PCDHA5: variants seen among roughly 807,000 people sequenced by gnomAD.
PCDHA5 encodes protocadherin alpha-5.
A neutral mutation model predicts 61.6 loss-of-function variants in PCDHA5; 43 were observed. The ratio of observed to expected loss-of-function variants is 0.70; its 90% CI spans 0.55 to 0.90. The LOEUF (loss-of-function observed/expected upper bound fraction) is 0.90. Among genes scored for constraint, PCDHA5 ranks in the 40% least tolerant of loss-of-function variants. PCDHA5 has a pLI of 0.00. For missense variants in PCDHA5, 1,298 were observed against 1,222.7 expected, an observed-to-expected ratio of 1.06 and a Z score of -0.92; for synonymous variants, 627 against 543.9, an observed-to-expected ratio of 1.15 and a Z score of -2.13.
Position 140,823,963 on chromosome 5 carries a change from G to A in PCDHA5, c.2188G>A (p.Val730Met), listed in dbSNP as rs1554129675. The change falls in exon 1 of 4, where the codon GTG becomes ATG. Residue 730 changes from valine (V) to methionine (M), a missense_variant. By Grantham distance (21) the Val-to-Met change is conservative. Transcript: ENST00000529859. ...GTGCTCGGCGCAGCCCACCGAGGCC[G>A]TGTGCACACGGGGCAAGCCCACTCT... is the stretch of plus-strand genomic sequence containing the variant. ...LRCSAQPTEA[V>M]CTRGKPTLLC... is the part of the protein sequence containing the mutation. The A allele has an allele frequency of 1.9e-6, 3 of 1,614,110 alleles. No individual in the cohort carries two copies. The highest frequency in any genetic ancestry group is 2.2e-5 in the South Asian group (2 of 91,080).
Position 140,982,534 on chromosome 5 carries a change from A to G in PCDHA5, c.2471A>G (p.Gln824Arg), listed in dbSNP as rs1554244431. Residue 824 changes from glutamine (Q) to arginine (R), a missense_variant, in exon 3 of 4, where the codon CAG becomes CGG. By Grantham distance (43) the Gln-to-Arg change is conservative. Transcript: ENST00000529859. ...GCTGGTCCAGGAGGGCCTGATCAGC[A>G]GTGGCCAACAGTATCCAGTGCAACA... ...LRAGPGGPDQ[Q>R]WPTVSSATPE... 1 of 1,614,222 alleles carries G rather than the reference A, an allele frequency of 6.2e-7. No homozygotes were observed. Among genetic ancestry groups the G allele is most frequent in the Non-Finnish European group, 8.5e-7 (1 of 1,180,036 alleles).
intron 1 of PCDHA5, chr5:140,871,166 C>G: frequency 1.2e-6 from 2 of 1,613,486 alleles, no homozygotes; most frequent in Non-Finnish European, 1.7e-6. Flanking sequence ...GCCGCGAGCC[C>G]AGAGGCTGCG....
chr5:141,005,256 A>C (rs1307850409), intron 3 of PCDHA5, among the ~76,000 whole-genome samples: 1 of 152,212 alleles, frequency 6.6e-6, no homozygotes, highest in East Asian at 1.9e-4. Flanking sequence ...TGTGCTAGGC[A>C]CTGGTGATAC....
At chr5:140,853,596 A>G (rs2042799204) in intron 1 of PCDHA5, 1 of 986,974 alleles carries the variant, frequency 1.0e-6, no homozygotes, top group Non-Finnish European at 1.2e-6. Flanking sequence ...ACACTTTGAG[A>G]GCAAAGGGGG....
At chr5:140,828,649 TG>T in intron 1 of PCDHA5, 1 of 1,614,100 alleles carries the variant, frequency 6.2e-7, no homozygotes, top group Non-Finnish European at 8.5e-7. Context: ...AAATAAACAG[TG>T]ATGACAATAA....
chr5:141,001,749 T>C (rs1554258292), intron 3 of PCDHA5, among the ~76,000 whole-genome samples: 1 of 152,090 alleles, frequency 6.6e-6, no homozygotes, highest in African/African-American at 2.4e-5. Flanking sequence ...GCTGTTTCAG[T>C]GGTTGATGGC....
At chr5:140,842,758 G>A (rs1778250066) in intron 1 of PCDHA5, 3 of 1,594,690 alleles carry the variant, frequency 1.9e-6, no homozygotes, top group Non-Finnish European at 1.7e-6. Context: ...CGGTGTCTGC[G>A]CGAGACGCGG....
intron 1 of PCDHA5, among the ~76,000 whole-genome samples, chr5:140,902,203 C>CTTTTTTT (rs148688132): frequency 6.4e-5 from 8 of 124,436 alleles, no homozygotes; most frequent in African/African-American, 9.3e-5. Flanking sequence ...CTCTCTCTTT[C>CTTTTTTT]TTTTTTTTTT....
chr5:140,996,587 C>T (rs1260417239), intron 3 of PCDHA5, among the ~76,000 whole-genome samples: 4 of 151,994 alleles, frequency 2.6e-5, no homozygotes, highest in South Asian at 2.1e-4. Context: ...TAACAAGGGC[C>T]GCCTCCCCCC....
intron 1 of PCDHA5, among the ~76,000 whole-genome samples, chr5:140,914,110 A>G (rs889499995): frequency 6.6e-6 from 1 of 152,168 alleles, no homozygotes; most frequent in Non-Finnish European, 1.5e-5. Flanking sequence ...GTGCAGATTA[A>G]GTCTGATGTT....
At chr5:140,824,289 C>A in intron 1 of PCDHA5, 162 bp downstream of exon 1, 1 of 983,136 alleles carries the variant, frequency 1.0e-6, no homozygotes, top group African/African-American at 1.6e-5. Flanking sequence ...TTTTATGAGG[C>A]TTTTCTGCTG....
At chr5:140,934,738 C>T (rs1342430086) in intron 1 of PCDHA5, among the ~76,000 whole-genome samples, 1 of 152,078 alleles carries the variant, frequency 6.6e-6, no homozygotes, top group Admixed American at 6.5e-5. Flanking sequence ...TTTTAGGTGT[C>T]ATTATGAACT....
At chr5:140,927,108 C>T (rs782811125) in intron 1 of PCDHA5, 6 of 1,613,528 alleles carry the variant, frequency 3.7e-6, no homozygotes, top group African/African-American at 1.3e-5. Context: ...ATCTACCCAG[C>T]GGCAATTTGG....
intron 1 of PCDHA5, among the ~76,000 whole-genome samples, chr5:140,838,676 C>T (rs1236293841): frequency 6.6e-6 from 1 of 152,090 alleles, no homozygotes; most frequent in East Asian, 1.9e-4. Flanking sequence ...TGGCACACAC[C>T]TTTAACCCCA....
chr5:140,924,830 G>A (rs1240824600), intron 1 of PCDHA5, among the ~76,000 whole-genome samples: 1 of 151,612 alleles, frequency 6.6e-6, no homozygotes, highest in African/African-American at 2.4e-5. Flanking sequence ...GGGAGGGGGA[G>A]GTTGCAGGGA....
chr5:141,010,398 G>C lies in PCDHA5; in HGVS notation c.*461G>C. The C allele has an allele frequency of 7.6e-7, 1 of 1,323,994 alleles. No individual in the cohort carries two copies. Among genetic ancestry groups the C allele is most frequent in the South Asian group, 1.5e-5 (1 of 66,476 alleles). 82.0% of individuals were successfully genotyped at this position (1,323,994 alleles called of 1,614,324 possible). A position where few individuals can be genotyped will look rare whatever the true frequency, so the allele number is the denominator to read the frequency against. ...GCCAGATATTGGCTGAGACGAGCCA[G>C]CTTAGACTAATTGGTACAAGGAAGG... On this transcript the variant is annotated 3_prime_UTR_variant, in exon 4 of 4. Transcript: ENST00000529859.
intron 1 of PCDHA5, among the ~76,000 whole-genome samples, chr5:140,921,342 TA>T (rs1311011800): frequency 6.6e-6 from 1 of 152,188 alleles, no homozygotes; most frequent in African/African-American, 2.4e-5. Flanking sequence ...AATCACATAA[TA>T]TATTTGCCTA....
intron 1 of PCDHA5, chr5:140,836,172 G>A (rs782290158): frequency 6.2e-7 from 1 of 1,613,766 alleles, no homozygotes; most frequent in Non-Finnish European, 8.5e-7. Flanking sequence ...GGTACGTGCA[G>A]TTGACGCTGA....
chr5:140,927,157 G>A (rs868936673), intron 1 of PCDHA5: 2 of 1,614,144 alleles, frequency 1.2e-6, no homozygotes, highest in South Asian at 2.2e-5. Flanking sequence ...GCTGTGCAGG[G>A]CCAAAGCTGC....
Sources: gnomAD v4.1 joint callset for allele counts (sites outside exome capture counted in the v4.1 genomes callset) on GRCh38, gnomAD v4.1.1 for gene constraint, MANE v1.5 for transcripts, NCBI Gene and HGNC (gene_info 2026-07-23, HGNC 2026-07-21) for gene names.